Variants in HROB observed in about 807,000 individuals in gnomAD.
The protein encoded by HROB is homologous recombination OB-fold protein.
A neutral mutation model predicts 61.0 loss-of-function variants in HROB; 44 were observed. That is an observed-to-expected ratio of 0.72 (90% CI 0.57 to 0.93). The LOEUF (loss-of-function observed/expected upper bound fraction) is 0.93, where lower values mean the gene tolerates loss of function less well. Ranked by LOEUF, HROB falls within the 40% of genes least tolerant of loss-of-function variation. The pLI is 0.00. For synonymous variants in HROB, 301 were observed against 310.4 expected (o/e 0.97, Z 0.32); for missense variants, 716 against 796.2 (o/e 0.90, Z 1.21).
intron 4 of HROB, among the ~76,000 whole-genome samples, chr17:44,152,378 CTG>C (rs2053839069): frequency 1.3e-5 from 2 of 151,416 alleles, no homozygotes; most frequent in Non-Finnish European, 2.9e-5. Flanking sequence ...TGAATGAAAC[CTG>C]TGATACGCGA....
intron 4 of HROB, among the ~76,000 whole-genome samples, chr17:44,152,143 T>C (rs1017709856): frequency 1.3e-5 from 2 of 151,230 alleles, no homozygotes; most frequent in African/African-American, 2.4e-5. Flanking sequence ...CTGCGCCCAG[T>C]CAATTTTTGT....
At position 44,162,021 on chromosome 17, in the gene HROB, G is replaced by A; in HGVS notation, c.*89G>A. On this transcript the variant is annotated 3_prime_UTR_variant, in exon 10 of 10. Coordinates refer to ENST00000585683, the MANE Select transcript of HROB (RefSeq NM_001171251.3). The stretch of plus-strand genomic sequence containing the variant: ...CCAAGGGGGAGAAGAAGGCCAGCAT[G>A]ATTGGAGAGTGGACACAGCCGGGGG... The A allele has an allele frequency of 6.9e-7, 1 of 1,448,488 alleles. No homozygotes were observed. 89.7% of individuals were successfully genotyped at this position (1,448,488 alleles called of 1,614,324 possible). A position where few individuals can be genotyped will look rare whatever the true frequency, so the allele number is the denominator to read the frequency against.
rs2053702506 is a variant in HROB, at chr17:44,148,802, A to G, written c.999A>G (p.Gly333=). ...SCSTPSRTSS[G]LFPRIPLQPQ... ...CTACTCCCTCAAGGACTAGCTCTGG[A>G]TTATTTCCTCGGATACCCTTACAAC... The change falls in exon 3 of 10, where the codon GGA becomes GGG. Residue 333 remains glycine, a synonymous_variant. Coordinates refer to ENST00000585683, the MANE Select transcript of HROB (RefSeq NM_001171251.3). 4 of 1,614,114 alleles carry G rather than the reference A, an allele frequency of 2.5e-6. No individual in the cohort carries two copies. The highest frequency in any genetic ancestry group is 3.4e-6 in the Non-Finnish European group (4 of 1,180,012).
intron 5 of HROB, 46 bp from the exon 6 acceptor site, chr17:44,154,510 C>T: frequency 6.2e-7 from 1 of 1,601,692 alleles, no homozygotes; most frequent in Non-Finnish European, 8.6e-7. Flanking sequence ...TGGGAAGTCA[C>T]AAGTGGGCCG....
At chr17:44,145,923 A>G (rs978196023) in intron 2 of HROB, among the ~76,000 whole-genome samples, 7 of 152,232 alleles carry the variant, frequency 4.6e-5, no homozygotes, top group Admixed American at 2.0e-4. Flanking sequence ...TTTGTTACAT[A>G]GGTAAACATG....
At chr17:44,154,288 G>A in intron 5 of HROB, 1 of 389,998 alleles carries the variant, frequency 2.6e-6, no homozygotes, top group South Asian at 3.0e-5. Context: ...GTTGCAGTGA[G>A]CCAAGATTGT....
rs778245506 is a variant in HROB at position 44,148,581 on chromosome 17, C to G, written c.778C>G (p.Pro260Ala). The G allele has an allele frequency of 3.1e-6, 5 of 1,613,964 alleles. No individual in the cohort carries two copies. Among genetic ancestry groups the G allele is most frequent in the Non-Finnish European group, 4.2e-6 (5 of 1,180,022 alleles). ...TCCTGTTCCAACTGCCTTAACAGTTCCCACTCAGCAACTCCACTGGGAAGT... is the reference window on the plus strand; with the variant it reads ...TCCTGTTCCAACTGCCTTAACAGTTGCCACTCAGCAACTCCACTGGGAAGT... ...HLPVPTALTV[P>A]TQQLHWEVCP... Residue 260 changes from proline to alanine, a missense_variant, in exon 3 of 10, where the codon CCC becomes GCC. Pro to Ala is a conservative substitution (Grantham distance 27). Transcript: ENST00000585683.
intron 3 of HROB, among the ~76,000 whole-genome samples, chr17:44,150,350 C>T (rs892285310): frequency 6.6e-6 from 1 of 151,902 alleles, no homozygotes; most frequent in Admixed American, 6.6e-5. Flanking sequence ...GAAAGCTGCC[C>T]CTTTGCTCAT....
At chr17:44,155,031 A>T in intron 7 of HROB, 93 bp downstream of exon 7, 1 of 1,451,502 alleles carries the variant, frequency 6.9e-7, no homozygotes, top group Non-Finnish European at 9.4e-7. Context: ...CTACAACACC[A>T]GGCACGGAGT....
At position 44,162,123 on chromosome 17, in the gene HROB, T is replaced by C; in HGVS notation, c.*191T>C. 1 of 551,956 alleles carries C rather than the reference T, an allele frequency of 1.8e-6. No homozygotes were observed. The highest frequency in any genetic ancestry group is 3.5e-5 in the Admixed American group (1 of 28,974). The allele number at this position is 551,956 out of a possible 1,614,324, so 34.2% of individuals were successfully genotyped here. On this transcript the variant is annotated 3_prime_UTR_variant, in exon 10 of 10. Coordinates refer to ENST00000585683, the MANE Select transcript of HROB (RefSeq NM_001171251.3). ...TCTGCGCTGCCCTCACTTTGGGCCT[T>C]CCTTTGCCGTTGGCACCAGAATCCG...
Position 44,143,250 on chromosome 17 carries a change from C to G in HROB, c.3+1105C>G, listed in dbSNP as rs2053511013. On this transcript the variant is annotated intron_variant, in intron 1 of 9. Coordinates refer to ENST00000585683, the MANE Select transcript of HROB (RefSeq NM_001171251.3). ...ACCATGCCCAGCCTGTGGCTGACAC[C>G]TATAATCCCAGCACTTTGGAGGCCA... Among the ~76,000 whole-genome samples, 4 of 152,014 alleles carry G rather than the reference C, an allele frequency of 2.6e-5. No homozygotes were observed. In the South Asian group the frequency reaches 8.3e-4, roughly 32 times the overall value.
Position 44,162,194 on chromosome 17 carries a change from G to C in HROB, c.*262G>C. 1 of 449,152 alleles carries C rather than the reference G, an allele frequency of 2.2e-6. No individual in the cohort carries two copies. The highest frequency in any genetic ancestry group is 4.0e-6 in the Non-Finnish European group (1 of 248,210). The allele number at this position is 449,152 out of a possible 1,614,324, so 27.8% of individuals were successfully genotyped here. A position where few individuals can be genotyped will look rare whatever the true frequency, so the allele number is the denominator to read the frequency against. On this transcript the variant is annotated 3_prime_UTR_variant, in exon 10 of 10. Transcript: ENST00000585683. ...CCAACAAGAAAGGCCTGTCACCCTC[G>C]CCTTGGGTGTCCCTCTCCTGCCTCA... is the stretch of plus-strand genomic sequence containing the variant.
intron 3 of HROB, among the ~76,000 whole-genome samples, chr17:44,149,627 T>C (rs1380107891): frequency 3.3e-5 from 5 of 152,166 alleles, no homozygotes; most frequent in Admixed American, 3.3e-4. Context: ...AGGCTGGTCA[T>C]GAACTAGGCT....
At chr17:44,149,496 G>A (rs926075433) in intron 3 of HROB, among the ~76,000 whole-genome samples, 4 of 152,154 alleles carry the variant, frequency 2.6e-5, no homozygotes, top group Non-Finnish European at 4.4e-5. Flanking sequence ...TGATCTGCCC[G>A]CCTCGGCCTC....
intron 9 of HROB, among the ~76,000 whole-genome samples, chr17:44,160,517 G>A (rs147728037): frequency 0.018 from 2,705 of 152,262 alleles, 86 homozygotes; most frequent in African/African-American, 0.061. Context: ...CCAGTGAGCC[G>A]AGATCGTGCC....
chr17:44,156,724 C>T (rs1044858325), intron 8 of HROB, among the ~76,000 whole-genome samples: 2 of 151,020 alleles, frequency 1.3e-5, no homozygotes, highest in African/African-American at 2.4e-5. Flanking sequence ...AGTGCAGTGG[C>T]ATGTTCTCAG....
chr17:44,155,497 G>A (rs2053946298), intron 8 of HROB, 86 bp downstream of exon 8: 1 of 1,562,350 alleles, frequency 6.4e-7, no homozygotes, highest in Non-Finnish European at 8.6e-7. Context: ...CCACCCTGGG[G>A]AGCAGAGGTC....
chr17:44,157,785 AG>A, intron 8 of HROB, 47 bp from the exon 9 acceptor site: 1 of 1,458,088 alleles, frequency 6.9e-7, no homozygotes, highest in Non-Finnish European at 9.5e-7. Context: ...TGCCATCTGA[AG>A]GGATTTCAGG....
At position 44,154,631 on chromosome 17, in the gene HROB, A is replaced by G. The variant is rs376263457; in HGVS notation, c.1525A>G (p.Met509Val). ...GATCAAGTCCCTGACTCGGAGCACA[A>G]TGGACGCCAGTGTGGTTTTCAAGGA... is the stretch of plus-strand genomic sequence containing the variant. ...VMIKSLTRST[M>V]DASVVFKDPT... Residue 509 changes from methionine (M) to valine (V), a missense_variant, in exon 6 of 10, where the codon ATG (methionine) becomes GTG (valine). By Grantham distance (21) the Met-to-Val change is conservative. Transcript: ENST00000585683. The G allele has an allele frequency of 4.6e-5, 75 of 1,614,136 alleles. No homozygotes were observed. The East Asian group carries it at 4.9e-4, about 11-fold the overall frequency.
Sources: gnomAD v4.1 joint callset for allele counts (sites outside exome capture counted in the v4.1 genomes callset) on GRCh38, gnomAD v4.1.1 for gene constraint, MANE v1.5 for transcripts, NCBI Gene and HGNC (gene_info 2026-07-23, HGNC 2026-07-21) for gene names.